Variants in KIF2C observed in about 807,000 individuals in gnomAD.
The protein encoded by KIF2C is kinesin family member 2C, also known as kinesin-like protein KIF2C.
A neutral mutation model predicts 97.4 loss-of-function variants in KIF2C; 34 were observed. That is an observed-to-expected ratio of 0.35 (90% CI 0.27 to 0.46). The LOEUF (loss-of-function observed/expected upper bound fraction) is 0.46. KIF2C is among the 20% of genes least tolerant of loss of function. The probability of loss-of-function intolerance (pLI) is 1.00; values close to 1 mark genes in which losing one functional copy is unlikely to be tolerated. For missense variants in KIF2C, 750 were observed against 907.6 expected, an observed-to-expected ratio of 0.83 and a Z score of 2.23; for synonymous variants, 313 against 318.2, an observed-to-expected ratio of 0.98 and a Z score of 0.17.
intron 4 of KIF2C, among the ~76,000 whole-genome samples, chr1:44,749,358 C>CG (rs879397036): frequency 4.3e-4 from 65 of 151,928 alleles, no homozygotes; most frequent in Admixed American, 3.4e-3. Flanking sequence ...CGTTTGAGCC[C>CG]GGGGGGGCAG....
Position 44,760,796 on chromosome 1 carries a change from C to A in KIF2C, c.1683+94C>A. 2.0e-6 allele frequency: 2 copies of A among 1,024,218 alleles called. No homozygotes were observed. The highest frequency in any genetic ancestry group is 3.0e-6 in the Non-Finnish European group (2 of 671,700). 63.4% of individuals were successfully genotyped at this position (1,024,218 alleles called of 1,614,324 possible). ...TCCTGTCCCTGGGCTGGAAGCTCAGCACTGCTGGCTGCCTGGGTTTCCAGG... is the reference window on the plus strand; with the variant it reads ...TCCTGTCCCTGGGCTGGAAGCTCAGAACTGCTGGCTGCCTGGGTTTCCAGG... On this transcript the variant is annotated intron_variant, in intron 16 of 20. Transcript: ENST00000372224. This position sits in a 1 kb window ranked among gnomAD's most constrained non-coding sequence, Gnocchi z 4.2.
In KIF2C at chr1:44,757,891, A is replaced by G; in HGVS notation, c.1069-17A>G. 3 of 1,613,326 alleles carry G rather than the reference A, an allele frequency of 1.9e-6. No individual in the cohort carries two copies. The highest frequency in any genetic ancestry group is 2.5e-6 in the Non-Finnish European group (3 of 1,179,552). ...CAACAGCCCTTTTCCATGGTCTTCT[A>G]CCCCTTCCCTTTGCAGACTATGGGC... On this transcript the variant is annotated splice_polypyrimidine_tract_variant and intron_variant, in intron 11 of 20. Coordinates refer to ENST00000372224, the MANE Select transcript of KIF2C (RefSeq NM_006845.4).
In KIF2C at chr1:44,767,761, G is replaced by A. The variant is rs1650552114; in HGVS notation, c.*582G>A. ...AAAAATAAATCAGCTGTTTAAGTGT[G>A]TGGAAAGGGCCTGGGATGTGTCTGA... is the stretch of plus-strand genomic sequence containing the variant. On this transcript the variant is annotated 3_prime_UTR_variant, in exon 21 of 21. Transcript: ENST00000372224. 1 of 155,358 alleles carries A rather than the reference G, an allele frequency of 6.4e-6. No homozygotes were observed. Among genetic ancestry groups the A allele is most frequent in the African/African-American group, 2.4e-5 (1 of 41,440 alleles). The allele number at this position is 155,358 out of a possible 1,614,324, so 9.6% of individuals were successfully genotyped here.
chr1:44,756,544 C>CTTT (rs67641740), intron 10 of KIF2C, among the ~76,000 whole-genome samples: 206 of 65,260 alleles, frequency 3.2e-3, no homozygotes, highest in Non-Finnish European at 4.0e-3. Flanking sequence ...GCTCTATCTG[C>CTTT]TTTTTTTTTT....
chr1:44,745,698 G>A (rs946864231), intron 2 of KIF2C, among the ~76,000 whole-genome samples: 4 of 151,462 alleles, frequency 2.6e-5, no homozygotes, highest in African/African-American at 7.3e-5. Flanking sequence ...TTGAACTCCC[G>A]ACCTCAGGTG....
intron 2 of KIF2C, chr1:44,746,451 G>A (rs1649200567): frequency 1.7e-6 from 2 of 1,177,680 alleles, no homozygotes; most frequent in Non-Finnish European, 2.1e-6. Flanking sequence ...GAAAATGTAG[G>A]TAGTCTTAGG....
chr1:44,762,436 G>A lies in KIF2C; in HGVS notation c.1842G>A (p.Ala614=), dbSNP rs778714254. ...TEEMEACSNG[A]LIPGNLSKEE... Reference sequence around the variant, plus strand: ...AGATGGAAGCCTGCTCTAACGGGGCGCTGATTCCAGGCAATGTAAGGACCA... The same window carrying A: ...AGATGGAAGCCTGCTCTAACGGGGCACTGATTCCAGGCAATGTAAGGACCA... The change falls in exon 18 of 21, where the codon GCG becomes GCA. Residue 614 remains alanine, a synonymous_variant. Coordinates refer to ENST00000372224, the MANE Select transcript of KIF2C (RefSeq NM_006845.4). 13 of 1,614,062 alleles carry A rather than the reference G, an allele frequency of 8.1e-6. No individual in the cohort carries two copies. Among genetic ancestry groups the A allele is most frequent in the South Asian group, 1.1e-5 (1 of 91,064 alleles).
chr1:44,741,180 C>T (rs536708902), intron 2 of KIF2C, among the ~76,000 whole-genome samples, 173 bp downstream of exon 2: 6 of 152,084 alleles, frequency 3.9e-5, no homozygotes, highest in Non-Finnish European at 5.9e-5. Context: ...GTCAGGAGTT[C>T]GAGACCATCC....
At chr1:44,753,595 T>A (rs1043019119) in intron 6 of KIF2C, 138 bp from the exon 7 acceptor site, 9 of 613,270 alleles carry the variant, frequency 1.5e-5, no homozygotes, top group Non-Finnish European at 2.3e-5. Flanking sequence ...ATATAGTGAT[T>A]TAAGAGTAAG....
chr1:44,750,458 C>A lies in KIF2C; in HGVS notation c.333C>A (p.Ser111=). 6.6e-7 allele frequency: 1 copy of A among 1,515,720 alleles called. No homozygotes were observed. Among genetic ancestry groups the A allele is most frequent in the Non-Finnish European group, 8.9e-7 (1 of 1,123,732 alleles). 93.9% of individuals were successfully genotyped at this position (1,515,720 alleles called of 1,614,324 possible). ...PAPKESLRSR[S]TRMSTVSELR... The stretch of plus-strand genomic sequence containing the variant: ...GTTCTCCAGGTCTTCGAAGCCGCTC[C>A]ACTCGCATGTCCACTGTCTCAGAGC... Residue 111 remains serine (S), a synonymous_variant, in exon 5 of 21, where the codon TCC becomes TCA. Transcript: ENST00000372224.
intron 5 of KIF2C, among the ~76,000 whole-genome samples, chr1:44,751,821 C>CTTTTTTTT (rs375561958): frequency 2.0e-5 from 2 of 100,100 alleles, no homozygotes; most frequent in African/African-American, 4.1e-5. Context: ...CTTTTTATAC[C>CTTTTTTTT]TTTTTTTTTT....
At chr1:44,766,989 C>T in intron 20 of KIF2C, 40 bp downstream of exon 20, 1 of 1,613,114 alleles carries the variant, frequency 6.2e-7, no homozygotes, top group Non-Finnish European at 8.5e-7. Context: ...ACGATGGTGG[C>T]CTCTGCTGGC....
At chr1:44,742,019 A>G (rs866810037) in intron 2 of KIF2C, among the ~76,000 whole-genome samples, 18 of 150,908 alleles carry the variant, frequency 1.2e-4, no homozygotes, top group Middle Eastern at 3.5e-3. Flanking sequence ...AAAAAAAAAA[A>G]GAATGGTCCC....
intron 8 of KIF2C, 78 bp downstream of exon 8, chr1:44,754,923 C>A: frequency 1.2e-6 from 1 of 858,540 alleles, no homozygotes; most frequent in Non-Finnish European, 1.9e-6. Flanking sequence ...GGAATGAGGG[C>A]ATGCAGGAAT....
Position 44,759,119 on chromosome 1 carries a change from C to T in KIF2C, c.1225-87C>T, listed in dbSNP as rs531133321. The T allele has an allele frequency of 2.1e-5, 33 of 1,549,590 alleles. No homozygotes were observed. The Admixed American group carries it at 2.6e-4, about 12-fold the overall frequency. On this transcript the variant is annotated intron_variant, in intron 13 of 20. Coordinates refer to ENST00000372224, the MANE Select transcript of KIF2C (RefSeq NM_006845.4). Reference sequence around the variant, plus strand: ...GCCTTTCCTGCTGCTGGCTCTTGTCCGAGCTGGGCAGGCTAGTAGGAGGAA... The same window carrying T: ...GCCTTTCCTGCTGCTGGCTCTTGTCTGAGCTGGGCAGGCTAGTAGGAGGAA...
intron 2 of KIF2C, among the ~76,000 whole-genome samples, chr1:44,743,916 G>A (rs75673654): frequency 0.019 from 2,867 of 152,278 alleles, 45 homozygotes; most frequent in Non-Finnish European, 0.03. Flanking sequence ...AAAGAATTAA[G>A]AGGTTCCTAA....
intron 5 of KIF2C, among the ~76,000 whole-genome samples, chr1:44,752,644 G>A (rs1268924191): frequency 6.6e-6 from 1 of 152,182 alleles, no homozygotes; most frequent in African/African-American, 2.4e-5. Flanking sequence ...TCATGACCAC[G>A]TATGGGAAGT....
chr1:44,759,707 AC>A, intron 14 of KIF2C, among the ~76,000 whole-genome samples: 1 of 152,236 alleles, frequency 6.6e-6, no homozygotes. Context: ...AAAAATAAAA[AC>A]AAGTCAAAGT....
rs1039678171 is a variant in KIF2C at position 44,762,543 on chromosome 1, A to G, written c.1858-2A>G. 1.2e-6 allele frequency: 2 copies of G among 1,613,160 alleles called. No individual in the cohort carries two copies. The highest frequency in any genetic ancestry group is 2.7e-5 in the African/African-American group (2 of 74,910). ...AATTGTCTTTCTTTTTGGCCCTCTC[A>G]GTTATCCAAGGAAGAGGAGGAACTG... is the stretch of plus-strand genomic sequence containing the variant. On this transcript the variant is annotated splice_acceptor_variant, in intron 18 of 20. Transcript: ENST00000372224. LOFTEE classifies it high-confidence loss of function.
Sources: gnomAD v4.1 joint callset for allele counts (sites outside exome capture counted in the v4.1 genomes callset) on GRCh38, gnomAD v4.1.1 for gene constraint, Gnocchi (gnomAD v3.1) non-coding constraint, MANE v1.5 for transcripts, NCBI Gene and HGNC (gene_info 2026-07-23, HGNC 2026-07-21) for gene names.